The following MACROD2 variants were observed in gnomAD, a reference collection of about 807,000 sequenced individuals.
MACROD2 encodes the protein ADP-ribose glycohydrolase MACROD2.
Under a neutral mutation model 70.4 loss-of-function variants are expected in MACROD2, and 36 were observed. That is an observed-to-expected ratio of 0.51 (90% CI 0.39 to 0.68). The LOEUF is 0.68. Ranked by LOEUF, MACROD2 falls within the 30% of genes least tolerant of loss-of-function variation. The pLI is 0.00. For missense variants in MACROD2, 496 were observed against 538.4 expected (o/e 0.92, Z 0.78); for synonymous variants, 172 against 178.8 (o/e 0.96, Z 0.30).
At chr20:14,290,137 T>G (rs1373672210) in intron 3 of MACROD2, among the ~76,000 whole-genome samples, 5 of 152,146 alleles carry the variant, frequency 3.3e-5, no homozygotes, top group African/African-American at 1.2e-4. Flanking sequence ...TTTCTAGTGC[T>G]GTATGTATAA....
chr20:15,867,671 C>T (rs1024218713), intron 9 of MACROD2, among the ~76,000 whole-genome samples: 6 of 152,042 alleles, frequency 3.9e-5, no homozygotes, highest in Admixed American at 6.6e-5. Flanking sequence ...AGACAATTCC[C>T]GATCTGGAAT....
chr20:15,464,217 T>G (rs1251546741), intron 7 of MACROD2, among the ~76,000 whole-genome samples: 1 of 152,178 alleles, frequency 6.6e-6, no homozygotes, highest in Non-Finnish European at 1.5e-5. Flanking sequence ...GTTCTCCCTG[T>G]GTTGCCCAGG....
intron 7 of MACROD2, among the ~76,000 whole-genome samples, chr20:15,491,228 A>C (rs1289813203): frequency 6.6e-6 from 1 of 152,154 alleles, no homozygotes; most frequent in Admixed American, 6.5e-5. Context: ...GTGAAATATT[A>C]TGTTACCGTC....
chr20:14,614,558 G>T (rs1307473991), intron 4 of MACROD2, among the ~76,000 whole-genome samples: 1 of 152,110 alleles, frequency 6.6e-6, no homozygotes, highest in Non-Finnish European at 1.5e-5. Context: ...CTTCCTGAGG[G>T]CAGGGAGTCC....
intron 6 of MACROD2, among the ~76,000 whole-genome samples, chr20:15,408,126 A>G (rs1568784382): frequency 6.6e-6 from 1 of 152,212 alleles, no homozygotes; most frequent in Non-Finnish European, 1.5e-5. Context: ...ATTATGTAAG[A>G]TTTTGAGGAG....
At chr20:15,703,849 C>A (rs2050495037) in intron 8 of MACROD2, among the ~76,000 whole-genome samples, 1 of 152,118 alleles carries the variant, frequency 6.6e-6, no homozygotes, top group Non-Finnish European at 1.5e-5. Flanking sequence ...CCTCACAGAG[C>A]AAGTGAGGCA....
At chr20:15,540,676 C>T (rs1387912537) in intron 8 of MACROD2, among the ~76,000 whole-genome samples, 2 of 152,224 alleles carry the variant, frequency 1.3e-5, no homozygotes, top group African/African-American at 2.4e-5. Flanking sequence ...TAGAAATGTA[C>T]TGCCTCACAG....
At chr20:15,103,275 C>T (rs563863419) in intron 5 of MACROD2, among the ~76,000 whole-genome samples, 6 of 152,250 alleles carry the variant, frequency 3.9e-5, no homozygotes, top group East Asian at 3.9e-4. Context: ...CATAGTCACA[C>T]GGTGGCTACT....
chr20:14,047,284 A>C (rs560698585), intron 2 of MACROD2, among the ~76,000 whole-genome samples: 27 of 152,010 alleles, frequency 1.8e-4, no homozygotes, highest in Non-Finnish European at 3.2e-4. Flanking sequence ...GTCTCTACTA[A>C]AAAAACCCAA....
At chr20:14,265,875 C>T (rs980795993) in intron 3 of MACROD2, among the ~76,000 whole-genome samples, 1 of 149,900 alleles carries the variant, frequency 6.7e-6, no homozygotes, top group Non-Finnish European at 1.5e-5. Flanking sequence ...CTTCCGGGTT[C>T]ACGCCATTCT....
At chr20:14,288,647 C>T (rs1318381421) in intron 3 of MACROD2, among the ~76,000 whole-genome samples, 2 of 152,180 alleles carry the variant, frequency 1.3e-5, no homozygotes, top group African/African-American at 2.4e-5. Flanking sequence ...TTGTTCTTTT[C>T]TGTCATCTCT....
At chr20:15,181,937 A>G (rs528794192) in intron 5 of MACROD2, among the ~76,000 whole-genome samples, 2 of 152,318 alleles carry the variant, frequency 1.3e-5, no homozygotes, top group South Asian at 4.1e-4. Flanking sequence ...CTGCTCAAAG[A>G]AAGTTTCCTT....
intron 3 of MACROD2, among the ~76,000 whole-genome samples, chr20:14,233,223 A>C (rs1164292090): frequency 6.6e-6 from 1 of 152,212 alleles, no homozygotes; most frequent in East Asian, 1.9e-4. Flanking sequence ...TGTAAGAATC[A>C]CCAAAACCTG....
intron 3 of MACROD2, among the ~76,000 whole-genome samples, chr20:14,130,011 A>G (rs1349916254): frequency 6.6e-6 from 1 of 152,170 alleles, no homozygotes; most frequent in Non-Finnish European, 1.5e-5. Flanking sequence ...AACCTGCCGT[A>G]TCTTTGAGGT....
intron 3 of MACROD2, among the ~76,000 whole-genome samples, chr20:14,487,119 C>G (rs1156979565): frequency 2.6e-5 from 4 of 152,162 alleles, no homozygotes; most frequent in Non-Finnish European, 5.9e-5. Flanking sequence ...AAACGCCAGA[C>G]TTTGGACTTG....
chr20:14,249,001 C>A (rs960124088), intron 3 of MACROD2, among the ~76,000 whole-genome samples: 3 of 151,984 alleles, frequency 2.0e-5, no homozygotes, highest in Admixed American at 6.6e-5. Context: ...AATTCCAATT[C>A]TTACTCTGAT....
At position 15,784,088 on chromosome 20, in the gene MACROD2, C is replaced by T. The variant is rs889220814; in HGVS notation, c.646-78657C>T. ...TAGTGGATATTCCATGTAATAGTCT[C>T]AAATGTCGAATCTGTGGTAGAGAGC... On this transcript the variant is annotated intron_variant, in intron 8 of 17. Coordinates refer to ENST00000684519, the MANE Select transcript of MACROD2 (RefSeq NM_001351661.2). 3.9e-5 allele frequency among the ~76,000 whole-genome samples: 6 copies of T among 152,058 alleles called. 1 individual carries two copies. Among genetic ancestry groups the T allele is most frequent in the Non-Finnish European group, 8.8e-5 (6 of 68,002 alleles).
At chr20:14,487,863 AGT>A (rs1735288250) in intron 3 of MACROD2, among the ~76,000 whole-genome samples, 1 of 152,210 alleles carries the variant, frequency 6.6e-6, no homozygotes, top group South Asian at 2.1e-4. Context: ...TTTAAATAAA[AGT>A]GTAATATAAA....
chr20:15,687,981 A>C (rs529488166), intron 8 of MACROD2, among the ~76,000 whole-genome samples: 6 of 152,300 alleles, frequency 3.9e-5, no homozygotes, highest in Admixed American at 3.3e-4. Flanking sequence ...TCAAAAGTGA[A>C]TGTAGAAATT....
Sources: gnomAD v4.1 joint callset for allele counts (sites outside exome capture counted in the v4.1 genomes callset) on GRCh38, gnomAD v4.1.1 for gene constraint, MANE v1.5 for transcripts, NCBI Gene and HGNC (gene_info 2026-07-23, HGNC 2026-07-21) for gene names.